MECOM: variants seen among roughly 807,000 people sequenced by gnomAD.
The protein encoded by MECOM is histone-lysine N-methyltransferase MECOM.
A neutral mutation model predicts 116.3 loss-of-function variants in MECOM; 13 were observed. That is an observed-to-expected ratio of 0.11 (90% confidence interval 0.07 to 0.18). The LOEUF (loss-of-function observed/expected upper bound fraction) is 0.18. MECOM is among the 10% of genes least tolerant of loss of function. The pLI, the probability that MECOM is intolerant of heterozygous loss-of-function variation, is 1.00. For missense variants in MECOM, 1,299 were observed against 1,509.0 expected (o/e 0.86, Z 2.31); for synonymous variants, 528 against 535.2 (o/e 0.99, Z 0.19).
chr3:169,603,967 C>T (rs953117558), intron 1 of MECOM, among the ~76,000 whole-genome samples: 3 of 152,168 alleles, frequency 2.0e-5, no homozygotes, highest in African/African-American at 7.2e-5. Context: ...CTTTTTGGCA[C>T]TCTAAGATCT....
intron 16 of MECOM, among the ~76,000 whole-genome samples, chr3:169,088,233 T>C (rs555341690): frequency 4.6e-5 from 7 of 152,318 alleles, no homozygotes; most frequent in Admixed American, 2.0e-4. Flanking sequence ...TATTTTTAAT[T>C]GACCTGAATG....
chr3:169,428,386 G>T lies in MECOM; in HGVS notation c.38-46862C>A, dbSNP rs77014469. On this transcript the variant is annotated intron_variant, in intron 1 of 16. Coordinates refer to ENST00000651503, the MANE Select transcript of MECOM (RefSeq NM_004991.4). ...CATAAAGAGCCTAGATCCTTCACAT[G>T]CGCAGTTCACAATAGGGTTCACTTG... 1.6e-3 allele frequency among the ~76,000 whole-genome samples: 245 copies of T among 152,204 alleles called. 3 individuals carry two copies. The highest frequency in any genetic ancestry group is 5.1e-3 in the African/African-American group (212 of 41,540).
chr3:169,406,169 A>C (rs1736663581), intron 1 of MECOM, among the ~76,000 whole-genome samples: 1 of 152,224 alleles, frequency 6.6e-6, no homozygotes, highest in Admixed American at 6.5e-5. Context: ...ATCCTGACCA[A>C]CAACTCAGGA....
chr3:169,594,174 A>C (rs34821760), intron 1 of MECOM, among the ~76,000 whole-genome samples: 48,814 of 125,494 alleles, frequency 0.39, 10,772 homozygotes, highest in South Asian at 0.47. Flanking sequence ...AAAAAAAAAA[A>C]AACACCTTTT....
At chr3:169,243,339 TA>T (rs1755126206) in intron 2 of MECOM, among the ~76,000 whole-genome samples, 1 of 152,174 alleles carries the variant, frequency 6.6e-6, no homozygotes, top group East Asian at 1.9e-4. Context: ...GGCAGCTGGT[TA>T]AAGCTGATAC....
At chr3:169,325,777 C>T (rs531604166) in intron 2 of MECOM, among the ~76,000 whole-genome samples, 8 of 152,168 alleles carry the variant, frequency 5.3e-5, no homozygotes, top group South Asian at 4.2e-4. Flanking sequence ...ATGATTGGGT[C>T]GGGGGTGATA....
rs750702658 is a variant in MECOM, at chr3:169,115,608, G to T, written c.2264C>A (p.Thr755Asn). 1 of 1,614,026 alleles carries T rather than the reference G, an allele frequency of 6.2e-7. No individual in the cohort carries two copies. The highest frequency in any genetic ancestry group is 1.3e-5 in the African/African-American group (1 of 74,904). Residue 755 changes from threonine to asparagine, a missense_variant, in exon 8 of 17, where the codon ACT (threonine) becomes AAT (asparagine). Coordinates refer to ENST00000651503, the MANE Select transcript of MECOM (RefSeq NM_004991.4). ...CACTGGAGGCTTGGAGGGGACTGGA[G>T]TCAAGGGCTTCTCATCCTTTCGCTT... ...TTKRKDEKPL[T>N]PVPSKPPVTP... is the part of the protein sequence containing the mutation.
At chr3:169,584,432 G>A (rs539834880) in intron 1 of MECOM, among the ~76,000 whole-genome samples, 2 of 151,716 alleles carry the variant, frequency 1.3e-5, no homozygotes, top group East Asian at 3.9e-4. Context: ...GGGCGTGGTG[G>A]CGAGCGCCTG....
At chr3:169,607,686 C>T (rs1469474242) in intron 1 of MECOM, among the ~76,000 whole-genome samples, 3 of 152,216 alleles carry the variant, frequency 2.0e-5, no homozygotes, top group East Asian at 1.9e-4. Flanking sequence ...TGTGCACACA[C>T]GTACAAACAC....
At chr3:169,154,919 C>T (rs1344976599) in intron 2 of MECOM, among the ~76,000 whole-genome samples, 1 of 152,044 alleles carries the variant, frequency 6.6e-6, no homozygotes, top group Non-Finnish European at 1.5e-5. Flanking sequence ...TTGACCTTTC[C>T]ATCCTTCAAC....
chr3:169,241,234 A>T (rs1012478842), intron 2 of MECOM, among the ~76,000 whole-genome samples: 1 of 152,084 alleles, frequency 6.6e-6, no homozygotes, highest in African/African-American at 2.4e-5. Context: ...GAAGGGGAGA[A>T]CGTAAATTTG....
intron 1 of MECOM, among the ~76,000 whole-genome samples, chr3:169,596,400 G>A (rs1409077827): frequency 1.3e-5 from 2 of 152,210 alleles, no homozygotes; most frequent in Non-Finnish European, 2.9e-5. Context: ...AGGGCTGAAA[G>A]TACATTATTA....
intron 2 of MECOM, among the ~76,000 whole-genome samples, chr3:169,214,260 GAGAACTAAACTAAACTAAA>G (rs1464972312): frequency 2.0e-5 from 3 of 151,984 alleles, no homozygotes; most frequent in African/African-American, 7.2e-5. Flanking sequence ...CGGTAGAAAA[GAGAACTAAACTAAACTAAA>G]AGAACTAAAC....
chr3:169,576,455 C>T (rs1764506664), intron 1 of MECOM, among the ~76,000 whole-genome samples: 1 of 152,008 alleles, frequency 6.6e-6, no homozygotes, highest in Non-Finnish European at 1.5e-5. Flanking sequence ...CAGTGTGGCA[C>T]ATCAAAAAAG....
chr3:169,095,122 G>T lies in MECOM; in HGVS notation c.2973C>A (p.Thr991=). 1 of 1,612,644 alleles carries T rather than the reference G, an allele frequency of 6.2e-7. No individual in the cohort carries two copies. The highest frequency in any genetic ancestry group is 8.5e-7 in the Non-Finnish European group (1 of 1,179,412). The part of the protein sequence containing the change: ...HLCDRCFGQQ[T]NLDRHLKKHE... ...GTTTCTTTAGGTGTCTGTCTAAATT[G>T]GTTTGTTGACCAAAACACCTATCAC... Residue 991 remains threonine (T), a synonymous_variant, in exon 13 of 17, where the codon ACC becomes ACA. Coordinates refer to ENST00000651503, the MANE Select transcript of MECOM (RefSeq NM_004991.4).
chr3:169,165,496 C>T (rs1743441861), intron 2 of MECOM, among the ~76,000 whole-genome samples: 1 of 152,114 alleles, frequency 6.6e-6, no homozygotes, highest in Admixed American at 6.6e-5. Context: ...CATTGTCATG[C>T]TAAATACAAG....
chr3:169,314,669 A>C (rs1349550104), intron 2 of MECOM, among the ~76,000 whole-genome samples: 1 of 152,208 alleles, frequency 6.6e-6, no homozygotes, highest in Admixed American at 6.5e-5. Flanking sequence ...AAAGAAGAGA[A>C]TAAAACAGAG....
In MECOM at chr3:169,579,057, C is replaced by G. The variant is rs1483556787; in HGVS notation, c.37+84279G>C. Among the ~76,000 whole-genome samples, 4 of 152,120 alleles carry G rather than the reference C, an allele frequency of 2.6e-5. No homozygotes were observed. The East Asian group carries it at 7.7e-4, about 29-fold the overall frequency. ...ATTATTTAATTAACAGATGAAGAAG[C>G]CCTTTTGAGCTGCTCTGGCAGATTT... On this transcript the variant is annotated intron_variant, in intron 1 of 16. Transcript: ENST00000651503.
At chr3:169,348,301 A>T (rs1725724317) in intron 2 of MECOM, among the ~76,000 whole-genome samples, 1 of 152,054 alleles carries the variant, frequency 6.6e-6, no homozygotes, top group African/African-American at 2.4e-5. Flanking sequence ...CTGGGTGTGG[A>T]GTGTGAAAAA....
Sources: allele counts gnomAD v4.1 joint callset (sites outside exome capture counted in the v4.1 genomes callset), GRCh38; gene constraint gnomAD v4.1.1; transcripts MANE v1.5; gene names NCBI Gene and HGNC (gene_info 2026-07-23, HGNC 2026-07-21).